The following ANK3 variants were observed in gnomAD, a reference collection of about 807,000 sequenced individuals.
ANK3 encodes ankyrin-3.
Under a neutral mutation model 370.9 loss-of-function variants are expected in ANK3, and 57 were observed. The ratio of observed to expected loss-of-function variants is 0.15; its 90% confidence interval spans 0.12 to 0.19. ANK3 has a LOEUF of 0.19. Among genes scored for constraint, ANK3 ranks in the 10% least tolerant of loss-of-function variants. ANK3 has a pLI of 1.00. For synonymous variants in ANK3, 1,929 were observed against 1,946.3 expected, an observed-to-expected ratio of 0.99 and a Z score of 0.23; for missense variants, 4,439 against 5,302.1, an observed-to-expected ratio of 0.84 and a Z score of 5.06.
At chr10:60,092,016 A>ACCGCG (rs1289995882) in intron 28 of ANK3, among the ~76,000 whole-genome samples, 2 of 152,214 alleles carry the variant, frequency 1.3e-5, no homozygotes, top group African/African-American at 2.4e-5. Flanking sequence ...GGCGTGAGCC[A>ACCGCG]CCGCGCCAGG....
chr10:60,506,843 A>T (rs980095508), intron 2 of ANK3, among the ~76,000 whole-genome samples: 28 of 152,254 alleles, frequency 1.8e-4, no homozygotes, highest in African/African-American at 6.7e-4. Flanking sequence ...TCTTACATCC[A>T]AATTTTTTTT....
intron 2 of ANK3, among the ~76,000 whole-genome samples, chr10:60,500,010 A>G (rs1320108268): frequency 1.3e-5 from 2 of 152,340 alleles, no homozygotes; most frequent in Non-Finnish European, 2.9e-5. Context: ...ACTAAATATC[A>G]TCTAATATAG....
intron 25 of ANK3, 114 bp downstream of exon 25, chr10:60,134,157 C>A: frequency 1.2e-6 from 1 of 850,220 alleles, no homozygotes; most frequent in Non-Finnish European, 1.8e-6. Flanking sequence ...AGAAGATTTA[C>A]AAATGTAAAA....
intron 28 of ANK3, among the ~76,000 whole-genome samples, chr10:60,091,839 T>G (rs1298696127): frequency 6.6e-6 from 1 of 150,664 alleles, no homozygotes; most frequent in Non-Finnish European, 1.5e-5. Flanking sequence ...CAAGCACCCC[T>G]CCTGCCTCAG....
chr10:60,036,358 C>T (rs1290247327), intron 43 of ANK3, among the ~76,000 whole-genome samples: 2 of 146,474 alleles, frequency 1.4e-5, no homozygotes, highest in Non-Finnish European at 3.0e-5. Context: ...ATAGCTGACG[C>T]TTATTGAGTG....
At chr10:60,127,414 A>C (rs1180485930) in intron 25 of ANK3, among the ~76,000 whole-genome samples, 3 of 152,224 alleles carry the variant, frequency 2.0e-5, no homozygotes, top group African/African-American at 4.8e-5. Flanking sequence ...AAATGGGTGT[A>C]TGCAGGCAAA....
intron 1 of ANK3, among the ~76,000 whole-genome samples, chr10:60,668,686 C>T (rs1279410584): frequency 6.6e-6 from 1 of 152,046 alleles, no homozygotes; most frequent in East Asian, 1.9e-4. Flanking sequence ...AAGCTTTGTC[C>T]AAGATTCTTT....
At chr10:60,565,984 C>A (rs1318965450) in intron 2 of ANK3, among the ~76,000 whole-genome samples, 1 of 152,250 alleles carries the variant, frequency 6.6e-6, no homozygotes, top group East Asian at 1.9e-4. Flanking sequence ...ATGAGCAAGT[C>A]TATCAGTGCC....
At chr10:60,606,988 T>C (rs1015620246) in intron 2 of ANK3, among the ~76,000 whole-genome samples, 1 of 152,172 alleles carries the variant, frequency 6.6e-6, no homozygotes, top group Admixed American at 6.5e-5. Flanking sequence ...TCAAGTCTTA[T>C]CTCATGCAGA....
intron 2 of ANK3, among the ~76,000 whole-genome samples, chr10:60,548,427 T>C (rs897297601): frequency 6.6e-6 from 1 of 151,878 alleles, no homozygotes; most frequent in African/African-American, 2.4e-5. Context: ...TTGTTTGTTT[T>C]TTAGTAGAGA....
At chr10:60,248,665 T>C (rs1378365852) in intron 7 of ANK3, among the ~76,000 whole-genome samples, 1 of 152,208 alleles carries the variant, frequency 6.6e-6, no homozygotes, top group Non-Finnish European at 1.5e-5. Flanking sequence ...CCTCATCTCA[T>C]TTCATCTCCA....
intron 1 of ANK3, among the ~76,000 whole-genome samples, chr10:60,711,598 G>T (rs900210030): frequency 4.6e-5 from 7 of 151,906 alleles, no homozygotes; most frequent in African/African-American, 1.7e-4. Flanking sequence ...TACAATAAGT[G>T]TAATAAATAC....
chr10:60,471,668 T>A (rs1298625891), intron 2 of ANK3, among the ~76,000 whole-genome samples: 2 of 152,130 alleles, frequency 1.3e-5, no homozygotes, highest in African/African-American at 2.4e-5. Context: ...TATTGCCAAA[T>A]TGCCTTTCAA....
intron 1 of ANK3, among the ~76,000 whole-genome samples, chr10:60,725,091 C>G (rs538064169): frequency 6.6e-6 from 1 of 152,146 alleles, no homozygotes; most frequent in African/African-American, 2.4e-5. Context: ...TATGTAAGTA[C>G]TCTTACAAAA....
At chr10:60,535,922 C>A (rs1229447792) in intron 2 of ANK3, among the ~76,000 whole-genome samples, 1 of 122,696 alleles carries the variant, frequency 8.2e-6, no homozygotes. Context: ...CTGTTTGAAA[C>A]CTCCAGCTAA....
chr10:60,482,204 A>G (rs7097350), intron 2 of ANK3, among the ~76,000 whole-genome samples: 77,827 of 151,912 alleles, frequency 0.51, 20,288 homozygotes, highest in Middle Eastern at 0.57. Context: ...GCAAAGCTCT[A>G]CCTGCCCAAC....
chr10:60,306,389 CT>C (rs1161808084), intron 1 of ANK3, among the ~76,000 whole-genome samples: 1 of 151,396 alleles, frequency 6.6e-6, no homozygotes, highest in African/African-American at 2.4e-5. Flanking sequence ...CATCATTTCA[CT>C]TCTTTTTATG....
At position 60,683,861 on chromosome 10, in the gene ANK3, A is replaced by T. The variant is rs1183045437; in HGVS notation, c.57+49402T>A. Among the ~76,000 whole-genome samples the T allele has an allele frequency of 2.0e-5, 3 of 152,344 alleles. No homozygotes were observed. In the South Asian group the frequency reaches 6.2e-4, roughly 32 times the overall value. On this transcript the variant is annotated intron_variant, in intron 1 of 43. Coordinates refer to the ANK3 transcript ENST00000373827. ...TTTCTTTTAATTAAGAAAGGTAGGC[A>T]TGCAGGAAGAACAGAAGGATGGAAG...
rs74153183 is a variant in ANK3, at chr10:60,071,744, G to C, written c.9137C>G (p.Thr3046Ser). The C allele has an allele frequency of 0.012, 19,313 of 1,598,252 alleles. 1,812 individuals are homozygous for C. In the African/African-American group the frequency reaches 0.22, roughly 18 times the overall value. The change falls in exon 37 of 44, where the codon ACC becomes AGC. Residue 3046 changes from threonine to serine, a missense_variant. This residue lies in a region of ANK3 where 1,601 missense variants were observed against 1,731.7 expected (regional missense o/e 0.92). Transcript: ENST00000280772. ...AAACTCTAAAGAATCAGGAGATTTG[G>C]TGGGGGAGGTTTCGGTTTCCTCGAG... ...PPLEETETSP[T>S]KSPDSLEFSP... is the part of the protein sequence containing the mutation.
Sources: allele counts gnomAD v4.1 joint callset (sites outside exome capture counted in the v4.1 genomes callset), GRCh38; gene constraint gnomAD v4.1.1; regional missense constraint gnomAD v4.1.1; transcripts MANE v1.5; gene names NCBI Gene and HGNC (gene_info 2026-07-23, HGNC 2026-07-21).